The following ZNF799 variants were observed in gnomAD, a reference collection of about 807,000 sequenced individuals.
The protein encoded by ZNF799 is zinc finger protein 14.
In ZNF799, 28 loss-of-function variants were observed where a neutral mutation model predicts 41.0. The observed-to-expected ratio is 0.68, with a 90% confidence interval of 0.51 to 0.94. The LOEUF (loss-of-function observed/expected upper bound fraction) is 0.94, where lower values mean the gene tolerates loss of function less well. Ranked by LOEUF, ZNF799 falls within the 40% of genes least tolerant of loss-of-function variation. The pLI, the probability that ZNF799 is intolerant of heterozygous loss-of-function variation, is 0.00. For missense variants in ZNF799, 716 were observed against 764.3 expected, an observed-to-expected ratio of 0.94 and a Z score of 0.74; for synonymous variants, 213 against 252.9, an observed-to-expected ratio of 0.84 and a Z score of 1.50.
rs771628832 is a variant in ZNF799 at position 12,392,108 on chromosome 19, A to G, written c.290T>C (p.Leu97Pro). ...IQDSIVTKNT[L>P]PGVGPYESRM... ...GCTTTCATATGGACCTACTCCAGGAAGAGTGTTCTTGGTCACAATACTATC... is the reference window on the plus strand; with the variant it reads ...GCTTTCATATGGACCTACTCCAGGAGGAGTGTTCTTGGTCACAATACTATC... Residue 97 changes from leucine to proline, a missense_variant, in exon 4 of 4, where the codon CTT becomes CCT. This residue lies in a region of ZNF799 where 698 missense variants were observed against 713.6 expected (regional missense o/e 0.98). Coordinates refer to ENST00000430385, the MANE Select transcript of ZNF799 (RefSeq NM_001080821.3). 6.2e-7 allele frequency: 1 copy of G among 1,614,180 alleles called. No individual in the cohort carries two copies. Among genetic ancestry groups the G allele is most frequent in the East Asian group, 2.2e-5 (1 of 44,888 alleles).
rs768899109 is a variant in ZNF799, at chr19:12,391,107, G to C, written c.1291C>G (p.Arg431Gly). The change falls in exon 4 of 4, where the codon CGT becomes GGT. Residue 431 changes from arginine to glycine, a missense_variant. Around this residue, in one of 2 missense-constraint regions of ZNF799, gnomAD observed 698 missense variants for 713.6 expected, o/e 0.98. Coordinates refer to ENST00000430385, the MANE Select transcript of ZNF799 (RefSeq NM_001080821.3). Reference sequence around the variant, plus strand: ...TGCCTTCGAAGAGAACTGGAAATACGGTAGGCTTTGCCACATTGTTTACAT... The same window carrying C: ...TGCCTTCGAAGAGAACTGGAAATACCGTAGGCTTTGCCACATTGTTTACAT... ...YKCKQCGKAY[R>G]ISSSLRRHET... The C allele has an allele frequency of 6.8e-6, 11 of 1,614,056 alleles. No individual in the cohort carries two copies. Among genetic ancestry groups the C allele is most frequent in the Admixed American group, 6.7e-5 (4 of 60,018 alleles).
the ZNF799 span, among the ~76,000 whole-genome samples, chr19:12,407,336 ATC>A: frequency 6.6e-6 from 1 of 152,058 alleles, no homozygotes; most frequent in East Asian, 1.9e-4. Context: ...GGTGGTGCAC[ATC>A]TGTGATACAG....
the ZNF799 span, among the ~76,000 whole-genome samples, chr19:12,408,843 G>A: frequency 6.6e-6 from 1 of 152,110 alleles, no homozygotes; most frequent in Admixed American, 6.6e-5. Flanking sequence ...AGACCAGTGT[G>A]GCCAACATAG....
the ZNF799 span, among the ~76,000 whole-genome samples, chr19:12,413,376 C>T: frequency 0.33 from 50,653 of 151,974 alleles, 9,004 homozygotes; most frequent in South Asian, 0.51. Flanking sequence ...TCCAAATTTG[C>T]TGGTGTGTCT....
intron 1 of ZNF799, chr19:12,400,825 G>A (rs1969969053): frequency 3.3e-6 from 2 of 614,290 alleles, no homozygotes; most frequent in Non-Finnish European, 5.6e-6. Context: ...GAGGCTGCGG[G>A]CGCGGAGCTG....
chr19:12,407,473 G>A, the ZNF799 span, among the ~76,000 whole-genome samples: 2 of 143,364 alleles, frequency 1.4e-5, no homozygotes, highest in African/African-American at 2.6e-5. Flanking sequence ...AAAAAAAAAA[G>A]AGAGAGAGAG....
chr19:12,403,860 T>G (rs1405204969), upstream of ZNF799, among the ~76,000 whole-genome samples: 4 of 152,276 alleles, frequency 2.6e-5, no homozygotes, highest in African/African-American at 7.2e-5. Flanking sequence ...CCTGCAGGTC[T>G]TCTTCTTTTT....
chr19:12,391,552 T>A lies in ZNF799; in HGVS notation c.846A>T (p.Thr282=). ...TGAAGGCTTTCCCACATTGTTTACA[T>A]GTATAGGGTTTCTTTCCAGTGTGAG... ...ERTHTGKKPY[T]CKQCGKAFSA... is the part of the protein sequence containing the mutation. The change falls in exon 4 of 4, where the codon ACA becomes ACT. Residue 282 remains threonine (T), a synonymous_variant. Transcript: ENST00000430385. 6.2e-7 allele frequency: 1 copy of A among 1,614,102 alleles called. No homozygotes were observed. The highest frequency in any genetic ancestry group is 8.5e-7 in the Non-Finnish European group (1 of 1,179,980).
At chr19:12,399,984 T>C (rs537675793) in intron 1 of ZNF799, among the ~76,000 whole-genome samples, 2 of 151,982 alleles carry the variant, frequency 1.3e-5, no homozygotes, top group African/African-American at 4.8e-5. Context: ...AAGCCATACA[T>C]TGCTAGCTGA....
chr19:12,403,635 C>G (rs1365884548), upstream of ZNF799, among the ~76,000 whole-genome samples: 1 of 152,152 alleles, frequency 6.6e-6, no homozygotes, highest in East Asian at 1.9e-4. Flanking sequence ...TCACTGCCAC[C>G]TCTGCCTCCT....
upstream of ZNF799, among the ~76,000 whole-genome samples, chr19:12,403,063 G>A (rs1970009211): frequency 6.6e-6 from 1 of 152,060 alleles, no homozygotes; most frequent in African/African-American, 2.4e-5. Flanking sequence ...CTGGGTTCTG[G>A]GGTTTTCTTT....
At chr19:12,414,504 C>T in the ZNF799 span, among the ~76,000 whole-genome samples, 1 of 152,200 alleles carries the variant, frequency 6.6e-6, no homozygotes, top group Admixed American at 6.5e-5. Context: ...CCAAGCCACA[C>T]AGGCCACCCT....
the ZNF799 span, among the ~76,000 whole-genome samples, chr19:12,410,135 G>A: frequency 2.0e-5 from 3 of 151,816 alleles, no homozygotes; most frequent in Non-Finnish European, 4.4e-5. Flanking sequence ...GCAACAGAGT[G>A]AGACTGTGTC....
At chr19:12,409,468 C>T in the ZNF799 span, among the ~76,000 whole-genome samples, 2 of 152,130 alleles carry the variant, frequency 1.3e-5, no homozygotes. Flanking sequence ...GAACAATTCC[C>T]CTCTATCAAT....
the ZNF799 span, among the ~76,000 whole-genome samples, chr19:12,406,392 G>C: frequency 1.7e-4 from 26 of 151,000 alleles, no homozygotes; most frequent in Admixed American, 9.2e-4. Context: ...GCTGAGGCAG[G>C]AGAATGGCGT....
At chr19:12,414,298 C>T in the ZNF799 span, among the ~76,000 whole-genome samples, 1 of 152,144 alleles carries the variant, frequency 6.6e-6, no homozygotes, top group East Asian at 1.9e-4. Flanking sequence ...CCTCACAGAG[C>T]GATCTTCTTG....
At chr19:12,392,271 G>A (rs1336430178) in intron 3 of ZNF799, 65 bp from the exon 4 acceptor site, 15 of 1,502,222 alleles carry the variant, frequency 1.0e-5, no homozygotes, top group Middle Eastern at 1.8e-4. Context: ...GTATTAATAA[G>A]TATTGGATGT....
intron 1 of ZNF799, chr19:12,398,099 G>GA (rs573161971): frequency 1.1e-4 from 16 of 148,126 alleles, no homozygotes; most frequent in East Asian, 3.9e-4. Flanking sequence ...AAATACGAAA[G>GA]AAAAAAAAAA....
chr19:12,402,421 T>TTTA (rs1970003337), upstream of ZNF799, among the ~76,000 whole-genome samples: 1 of 149,898 alleles, frequency 6.7e-6, no homozygotes, highest in African/African-American at 2.5e-5. Context: ...TATTTCTTTT[T>TTTA]TTTTTTTTTT....
Sources: gnomAD v4.1 joint callset for allele counts (sites outside exome capture counted in the v4.1 genomes callset) on GRCh38, gnomAD v4.1.1 for gene constraint, gnomAD v4.1.1 regional missense constraint, MANE v1.5 for transcripts, NCBI Gene and HGNC (gene_info 2026-07-23, HGNC 2026-07-21) for gene names.